FAM120A: variants seen among roughly 807,000 people sequenced by gnomAD.
FAM120A encodes family with sequence similarity 120 member A, also known as constitutive coactivator of PPAR-gamma-like protein 1.
A neutral mutation model predicts 109.7 loss-of-function variants in FAM120A; 15 were observed. That is an observed-to-expected ratio of 0.14 (90% CI 0.09 to 0.21). The LOEUF is 0.21. Ranked by LOEUF, FAM120A falls within the 10% of genes least tolerant of loss-of-function variation. The pLI is 1.00. For missense variants in FAM120A, 899 were observed against 1,439.3 expected, an observed-to-expected ratio of 0.62 and a Z score of 6.07; for synonymous variants, 493 against 572.8, an observed-to-expected ratio of 0.86 and a Z score of 1.99.
chr9:93,506,206 T>C (rs1860046835), intron 5 of FAM120A, among the ~76,000 whole-genome samples: 4 of 152,236 alleles, frequency 2.6e-5, no homozygotes, highest in Admixed American at 2.6e-4. Context: ...CTTGTGGAGA[T>C]TTTGATTGGA....
At chr9:93,526,047 A>C (rs2131451919) in intron 7 of FAM120A, among the ~76,000 whole-genome samples, 1 of 152,298 alleles carries the variant, frequency 6.6e-6, no homozygotes, top group Admixed American at 6.5e-5. Context: ...CTGTCATGTG[A>C]GTCAGTTACA....
intron 3 of FAM120A, among the ~76,000 whole-genome samples, chr9:93,487,129 G>A (rs1859095215): frequency 6.6e-6 from 1 of 151,962 alleles, no homozygotes; most frequent in African/African-American, 2.4e-5. Flanking sequence ...TTAAAATTGG[G>A]TTATTTGTCT....
rs559363407 is a variant in FAM120A, at chr9:93,532,632, A to G, written c.1909+303A>G. 1.0e-4 allele frequency: 37 copies of G among 353,864 alleles called. No homozygotes were observed. The East Asian group carries it at 2.4e-3, about 23-fold the overall frequency. The allele number at this position is 353,864 out of a possible 1,614,324, so 21.9% of individuals were successfully genotyped here. On this transcript the variant is annotated intron_variant, in intron 10 of 17. Transcript: ENST00000277165. The surrounding 1 kb of genome is among the most constrained non-coding windows in gnomAD (Gnocchi z 4.3). ...ACTTGAATTGCCGCCACTCTCTGTA[A>G]TTACCACGTCTTGGTAATCAGGACG...
chr9:93,545,010 C>T (rs1203800070), intron 11 of FAM120A, among the ~76,000 whole-genome samples: 1 of 152,214 alleles, frequency 6.6e-6, no homozygotes, highest in Admixed American at 6.5e-5. Flanking sequence ...CTCTAGGGGC[C>T]TTCAGCTCAC....
chr9:93,473,453 A>G (rs1389855424), intron 2 of FAM120A, among the ~76,000 whole-genome samples: 2 of 151,870 alleles, frequency 1.3e-5, no homozygotes. Flanking sequence ...CTACAGGTGC[A>G]TGCCACCACA....
At chr9:93,506,786 C>T (rs1035860842) in intron 5 of FAM120A, among the ~76,000 whole-genome samples, 3 of 151,810 alleles carry the variant, frequency 2.0e-5, no homozygotes, top group African/African-American at 2.4e-5. Context: ...TTAGTAGAGA[C>T]GGGGTTTCAC....
intron 7 of FAM120A, among the ~76,000 whole-genome samples, chr9:93,520,982 G>A (rs1207116756): frequency 1.3e-5 from 2 of 152,172 alleles, no homozygotes; most frequent in Non-Finnish European, 2.9e-5. Context: ...GTTGTTCAGT[G>A]TCTTTGTACT....
chr9:93,514,295 C>T (rs1320583505), intron 5 of FAM120A, among the ~76,000 whole-genome samples: 2 of 152,144 alleles, frequency 1.3e-5, no homozygotes, highest in Non-Finnish European at 2.9e-5. Flanking sequence ...TGCCTAGACA[C>T]GTGGGGATTA....
intron 5 of FAM120A, among the ~76,000 whole-genome samples, chr9:93,499,387 A>T (rs1395267734): frequency 6.6e-6 from 1 of 151,944 alleles, no homozygotes; most frequent in East Asian, 1.9e-4. Context: ...TCCCAGGCTC[A>T]AGTGATTTTT....
At chr9:93,453,601 C>T (rs917533744) in intron 1 of FAM120A, 11 of 985,266 alleles carry the variant, frequency 1.1e-5, no homozygotes, top group Non-Finnish European at 1.2e-5. Flanking sequence ...GCGGAAGTCC[C>T]ACCCACGATC....
chr9:93,469,363 G>A (rs1858205142), intron 1 of FAM120A, among the ~76,000 whole-genome samples: 1 of 152,194 alleles, frequency 6.6e-6, no homozygotes, highest in Non-Finnish European at 1.5e-5. Flanking sequence ...AGATCTCCTT[G>A]GAGGAGTGAA....
At chr9:93,504,233 A>C (rs182432412) in intron 5 of FAM120A, among the ~76,000 whole-genome samples, 10 of 152,352 alleles carry the variant, frequency 6.6e-5, no homozygotes, top group Middle Eastern at 6.8e-3. Context: ...GAAGCACAGA[A>C]AGCGGGGAGA....
In FAM120A at chr9:93,565,764, CAAG is replaced by C. The variant is rs749830632; in HGVS notation, c.*1227_*1229del. 6.6e-5 allele frequency: 10 copies of C among 151,454 alleles called. 1 individual carries two copies. The highest frequency in any genetic ancestry group is 1.3e-4 in the Admixed American group (2 of 15,188). 9.4% of individuals were successfully genotyped at this position (151,454 alleles called of 1,614,324 possible). On this transcript the variant is annotated 3_prime_UTR_variant, in exon 18 of 18. Transcript: ENST00000277165. ...TGCTTGTTCTTGAGAACTTTCCCAT[CAAG>C]AATTTAGTAGAAGCAGGTATACTTC...
Position 93,457,908 on chromosome 9 carries a change from G to A in FAM120A, c.474+5519G>A, listed in dbSNP as rs142557838. Among the ~76,000 whole-genome samples, 141 of 151,622 alleles carry A rather than the reference G, an allele frequency of 9.3e-4. 1 individual carries two copies. The highest frequency in any genetic ancestry group is 3.4e-3 in the Middle Eastern group (1 of 292). ...ATGATCAAAATGCTTCCATTTCCTG[G>A]GGTTACTGCAATATGATGTTTCCTT... On this transcript the variant is annotated intron_variant, in intron 1 of 17. Transcript: ENST00000277165.
intron 5 of FAM120A, among the ~76,000 whole-genome samples, chr9:93,506,150 C>G (rs938353937): frequency 1.3e-5 from 2 of 152,074 alleles, no homozygotes; most frequent in African/African-American, 4.8e-5. Flanking sequence ...TGCAAGAGGT[C>G]GAGACTGTTC....
chr9:93,540,744 A>C (rs1861666532), intron 10 of FAM120A, among the ~76,000 whole-genome samples: 1 of 152,084 alleles, frequency 6.6e-6, no homozygotes, highest in South Asian at 2.1e-4. Flanking sequence ...ATGCATTAGG[A>C]CTAGTGCCTG....
At chr9:93,526,802 A>C (rs1338824585) in intron 7 of FAM120A, among the ~76,000 whole-genome samples, 1 of 152,170 alleles carries the variant, frequency 6.6e-6, no homozygotes, top group Non-Finnish European at 1.5e-5. Context: ...CATAATTGCC[A>C]ATTAAATGCT....
intron 1 of FAM120A, chr9:93,453,130 TC>T (rs1361029239): frequency 8.9e-6 from 9 of 1,006,058 alleles, no homozygotes; most frequent in Non-Finnish European, 1.1e-5. Context: ...GTTTTGTAGA[TC>T]CCATGCGAAA....
chr9:93,527,106 C>A, intron 7 of FAM120A, 49 bp from the exon 8 acceptor site: 1 of 1,499,666 alleles, frequency 6.7e-7, no homozygotes, highest in Non-Finnish European at 9.3e-7. Flanking sequence ...TCATTGTCAG[C>A]TGGTTTGTGA....
Sources: allele counts gnomAD v4.1 joint callset (sites outside exome capture counted in the v4.1 genomes callset), GRCh38; gene constraint gnomAD v4.1.1; non-coding constraint Gnocchi (gnomAD v3.1); transcripts MANE v1.5; gene names NCBI Gene and HGNC (gene_info 2026-07-23, HGNC 2026-07-21).